NRG1: variants seen among roughly 807,000 people sequenced by gnomAD.
NRG1 encodes neuregulin 1, also known as pro-neuregulin-1, membrane-bound isoform.
In NRG1, 18 loss-of-function variants were observed where a neutral mutation model predicts 63.8. The observed-to-expected ratio is 0.28, with a 90% CI of 0.19 to 0.42. The LOEUF (loss-of-function observed/expected upper bound fraction) is 0.42. NRG1 is among the 10% of genes least tolerant of loss of function. NRG1 has a pLI of 1.00. For missense variants in NRG1, 762 were observed against 814.7 expected, an observed-to-expected ratio of 0.94 and a Z score of 0.79; for synonymous variants, 302 against 301.3, an observed-to-expected ratio of 1.00 and a Z score of -0.02.
chr8:31,755,293 C>G (rs571170524), intron 1 of NRG1, among the ~76,000 whole-genome samples: 52 of 152,018 alleles, frequency 3.4e-4, no homozygotes, highest in Non-Finnish European at 6.3e-4. Context: ...TCTTGATACC[C>G]CAACATATAA....
intron 1 of NRG1, among the ~76,000 whole-genome samples, chr8:32,115,622 T>A (rs923536791): frequency 4.6e-5 from 7 of 152,110 alleles, no homozygotes; most frequent in African/African-American, 1.7e-4. Flanking sequence ...AATCCGCATG[T>A]AAGTGGACCC....
chr8:32,144,263 GA>G (rs1328115399), intron 1 of NRG1, among the ~76,000 whole-genome samples: 9 of 152,204 alleles, frequency 5.9e-5, no homozygotes, highest in Admixed American at 5.9e-4. Context: ...AAAAGAAGAA[GA>G]AAGAAAGAAA....
chr8:31,739,391 C>T (rs1815036581), intron 1 of NRG1, among the ~76,000 whole-genome samples: 1 of 152,010 alleles, frequency 6.6e-6, no homozygotes, highest in South Asian at 2.1e-4. Flanking sequence ...TTGTTTATTT[C>T]AGCTCTCCTT....
intron 1 of NRG1, among the ~76,000 whole-genome samples, chr8:32,305,400 T>C (rs1370975146): frequency 1.3e-5 from 2 of 150,150 alleles, no homozygotes; most frequent in Non-Finnish European, 3.0e-5. Context: ...AAAACCAGAA[T>C]GTTGTTCACC....
chr8:32,520,427 G>A (rs980449939), intron 1 of NRG1, among the ~76,000 whole-genome samples: 1 of 151,884 alleles, frequency 6.6e-6, no homozygotes, highest in African/African-American at 2.4e-5. Flanking sequence ...TCAAAGAGCT[G>A]GGATTACAGG....
At chr8:32,341,929 A>G (rs1354935825) in intron 1 of NRG1, among the ~76,000 whole-genome samples, 1 of 152,200 alleles carries the variant, frequency 6.6e-6, no homozygotes, top group Non-Finnish European at 1.5e-5. Context: ...ATTCGAGTGA[A>G]TGTTTAAGAT....
chr8:32,699,589 A>G (rs1814311821), intron 5 of NRG1, among the ~76,000 whole-genome samples: 1 of 152,236 alleles, frequency 6.6e-6, no homozygotes, highest in South Asian at 2.1e-4. Context: ...GAATGGAAAA[A>G]TGGCTTCAAA....
chr8:31,844,498 C>A (rs963943444), intron 1 of NRG1, among the ~76,000 whole-genome samples: 2 of 152,116 alleles, frequency 1.3e-5, no homozygotes, highest in African/African-American at 4.8e-5. Flanking sequence ...GATTTTCCTG[C>A]TGAAAAGATG....
intron 1 of NRG1, among the ~76,000 whole-genome samples, chr8:32,027,466 T>TTCCTTCCTTCCCTCCC (rs1491191069): frequency 3.3e-4 from 20 of 60,866 alleles, no homozygotes; most frequent in African/African-American, 1.4e-3. Flanking sequence ...CCTTCCTTCC[T>TTCCTTCCTTCCCTCCC]TCCCTCCCTC....
At chr8:31,688,207 TATATGTTGAAA>T (rs1295601496) in intron 1 of NRG1, among the ~76,000 whole-genome samples, 2 of 152,216 alleles carry the variant, frequency 1.3e-5, no homozygotes, top group African/African-American at 4.8e-5. Flanking sequence ...CCCCCAGATT[TATATGTTGAAA>T]CCTGATCTCC....
intron 1 of NRG1, among the ~76,000 whole-genome samples, chr8:32,361,983 G>A (rs1297216641): frequency 6.6e-6 from 1 of 152,088 alleles, no homozygotes; most frequent in African/African-American, 2.4e-5. Context: ...TGACTCCCAT[G>A]AGCTCTCCAG....
At chr8:32,444,098 CTCTT>C (rs1226890854) in intron 1 of NRG1, among the ~76,000 whole-genome samples, 1 of 142,564 alleles carries the variant, frequency 7.0e-6, no homozygotes, top group Non-Finnish European at 1.5e-5. Flanking sequence ...TCTCTCTTTC[CTCTT>C]TCTTTCTGTC....
intron 1 of NRG1, among the ~76,000 whole-genome samples, chr8:32,040,478 C>T (rs1389391713): frequency 6.6e-6 from 1 of 151,712 alleles, no homozygotes; most frequent in Non-Finnish European, 1.5e-5. Flanking sequence ...ACAATGCCTG[C>T]TGTTTTTCTT....
At chr8:32,194,047 C>A (rs1258759446) in intron 1 of NRG1, among the ~76,000 whole-genome samples, 1 of 152,200 alleles carries the variant, frequency 6.6e-6, no homozygotes, top group African/African-American at 2.4e-5. Context: ...TATGACAGCC[C>A]TTGGAATTGA....
intron 1 of NRG1, among the ~76,000 whole-genome samples, chr8:32,051,280 G>A (rs750437283): frequency 7.2e-5 from 11 of 152,082 alleles, no homozygotes; most frequent in Non-Finnish European, 1.5e-4. Context: ...TCAATGCTAG[G>A]TCCAGTGCAT....
At chr8:32,023,104 G>T (rs750526728) in intron 1 of NRG1, among the ~76,000 whole-genome samples, 4 of 152,114 alleles carry the variant, frequency 2.6e-5, no homozygotes, top group Non-Finnish European at 5.9e-5. Context: ...AAGTGATTTG[G>T]ATATTTACCT....
chr8:31,985,787 T>C (rs1329014293), intron 1 of NRG1, among the ~76,000 whole-genome samples: 1 of 152,152 alleles, frequency 6.6e-6, no homozygotes, highest in Middle Eastern at 3.2e-3. Flanking sequence ...GATTTCCAAA[T>C]ATATTAAAAT....
intron 1 of NRG1, among the ~76,000 whole-genome samples, chr8:32,193,976 C>A (rs138459579): frequency 2.0e-5 from 3 of 152,360 alleles, no homozygotes; most frequent in East Asian, 1.9e-4. Flanking sequence ...TGATCTCAAA[C>A]TTCCAGGGCA....
At chr8:32,623,947 T>C (rs1848750455) in intron 5 of NRG1, among the ~76,000 whole-genome samples, 1 of 152,200 alleles carries the variant, frequency 6.6e-6, no homozygotes, top group South Asian at 2.1e-4. Context: ...ATAAAATATG[T>C]GTGTGCATGT....
Sources: gnomAD v4.1 joint callset for allele counts (sites outside exome capture counted in the v4.1 genomes callset) on GRCh38, gnomAD v4.1.1 for gene constraint, MANE v1.5 for transcripts, NCBI Gene and HGNC (gene_info 2026-07-23, HGNC 2026-07-21) for gene names.